Variants in AGO3 observed in about 807,000 individuals in gnomAD.
AGO3 encodes the protein argonaute RISC catalytic component 3.
In AGO3, 16 loss-of-function variants were observed where a neutral mutation model predicts 105.5. The ratio of observed to expected loss-of-function variants is 0.15; its 90% CI spans 0.10 to 0.23. AGO3 has a LOEUF of 0.23. Ranked by LOEUF, AGO3 falls within the 10% of genes least tolerant of loss-of-function variation. AGO3 has a pLI of 1.00. For synonymous variants in AGO3, 340 were observed against 367.3 expected (o/e 0.93, Z 0.85); for missense variants, 534 against 1,088.0 (o/e 0.49, Z 7.16).
At chr1:36,048,531 T>A (rs559955489) in intron 17 of AGO3, among the ~76,000 whole-genome samples, 1 of 152,158 alleles carries the variant, frequency 6.6e-6, no homozygotes, top group Admixed American at 6.6e-5. Context: ...ATTCAAACCT[T>A]GTTGCTCTAC....
intron 12 of AGO3, among the ~76,000 whole-genome samples, chr1:36,032,066 A>G (rs1169245143): frequency 6.6e-6 from 1 of 152,112 alleles, no homozygotes; most frequent in South Asian, 2.1e-4. Flanking sequence ...CTGGGTATAC[A>G]TCTAATAAGT....
At chr1:35,986,991 G>A (rs531486481) in intron 5 of AGO3, among the ~76,000 whole-genome samples, 20 of 145,760 alleles carry the variant, frequency 1.4e-4, no homozygotes, top group Admixed American at 6.3e-4. Flanking sequence ...GTAAGACTCC[G>A]TCTCAAAAAA....
At chr1:36,051,438 C>T (rs146615608) in intron 17 of AGO3, among the ~76,000 whole-genome samples, 1,701 of 152,122 alleles carry the variant, frequency 0.011, 41 homozygotes, top group African/African-American at 0.037. Context: ...AACATAGAAA[C>T]GGCTGGGCAC....
chr1:35,995,038 A>C lies in AGO3; in HGVS notation c.659-9303A>C, dbSNP rs554355855. Among the ~76,000 whole-genome samples, 51 of 151,614 alleles carry C rather than the reference A, an allele frequency of 3.4e-4. 3 individuals carry two copies. The East Asian group carries it at 9.7e-3, about 29-fold the overall frequency. The stretch of plus-strand genomic sequence containing the variant: ...ACACGGTGAAACCCTATCTCTACTA[A>C]AATACAAAAAAAATTAGCCGGGCAT... On this transcript the variant is annotated intron_variant, in intron 5 of 18. Transcript: ENST00000373191.
At position 36,043,209 on chromosome 1, in the gene AGO3, C is replaced by CT; in HGVS notation, c.2173-237dup. On this transcript the variant is annotated intron_variant, in intron 16 of 18. Transcript: ENST00000373191. ...CACCCATAGTGGGGTCAACTATCAG[C>CT]TAAGCAGTAGTAGAGACTGTATTAG... The CT allele has an allele frequency of 7.3e-6, 3 of 411,114 alleles. No individual in the cohort carries two copies. The Middle Eastern group carries it at 1.9e-3, about 266-fold the overall frequency. The allele number at this position is 411,114 out of a possible 1,614,324, so 25.5% of individuals were successfully genotyped here.
At chr1:36,022,963 A>G (rs1641318221) in intron 11 of AGO3, among the ~76,000 whole-genome samples, 1 of 151,532 alleles carries the variant, frequency 6.6e-6, no homozygotes, top group Admixed American at 6.6e-5. Context: ...AAAGAGAAAC[A>G]AAGGGCATAG....
At chr1:36,013,380 G>A (rs1451312890) in intron 9 of AGO3, 1 of 347,762 alleles carries the variant, frequency 2.9e-6, no homozygotes, top group African/African-American at 2.1e-5. Flanking sequence ...AGGCCAAAAT[G>A]TATTATTCAA....
At chr1:35,948,278 C>T (rs759090895) in intron 2 of AGO3, among the ~76,000 whole-genome samples, 3 of 147,970 alleles carry the variant, frequency 2.0e-5, no homozygotes, top group Non-Finnish European at 4.4e-5. Flanking sequence ...AGTGCAATGG[C>T]GCGATTTCCG....
intron 1 of AGO3, among the ~76,000 whole-genome samples, chr1:35,944,024 A>G (rs1646310721): frequency 2.0e-5 from 3 of 152,136 alleles, no homozygotes. Flanking sequence ...TTATTCATTC[A>G]TCTATCAGTG....
chr1:36,002,398 C>T (rs975810360), intron 5 of AGO3, among the ~76,000 whole-genome samples: 1 of 145,328 alleles, frequency 6.9e-6, no homozygotes, highest in Admixed American at 7.0e-5. Context: ...GGCGTGATCT[C>T]GGCTCACTGC....
chr1:36,055,506 A>G lies in AGO3; in HGVS notation c.2475-131A>G. 2 of 839,238 alleles carry G rather than the reference A, an allele frequency of 2.4e-6. No individual in the cohort carries two copies. Among genetic ancestry groups the G allele is most frequent in the South Asian group, 3.4e-5 (2 of 59,222 alleles). The allele number at this position is 839,238 out of a possible 1,614,324, so 52.0% of individuals were successfully genotyped here. A position where few individuals can be genotyped will look rare whatever the true frequency, so the allele number is the denominator to read the frequency against. ...AATAGTGATTGAAGCTGAGTGATGG[A>G]CACATAGATTGTTACACCAGTCTCT... On this transcript the variant is annotated intron_variant, in intron 18 of 18. Transcript: ENST00000373191. The surrounding 1 kb of genome is among the most constrained non-coding windows in gnomAD (Gnocchi z 4.4).
intron 17 of AGO3, among the ~76,000 whole-genome samples, chr1:36,045,383 A>G (rs1642421337): frequency 6.6e-6 from 1 of 151,382 alleles, no homozygotes; most frequent in Non-Finnish European, 1.5e-5. Flanking sequence ...CACCATGCCG[A>G]GCTAATTTTT....
At chr1:35,950,298 C>T (rs1165997831) in intron 2 of AGO3, among the ~76,000 whole-genome samples, 1 of 152,026 alleles carries the variant, frequency 6.6e-6, no homozygotes, top group Non-Finnish European at 1.5e-5. Context: ...TGTTTTAATA[C>T]TTAAATTATC....
intron 6 of AGO3, among the ~76,000 whole-genome samples, chr1:36,007,227 A>G (rs781429624): frequency 6.6e-6 from 1 of 152,212 alleles, no homozygotes; most frequent in African/African-American, 2.4e-5. Flanking sequence ...AGTAATAACC[A>G]TAAGTATTAT....
chr1:35,931,860 A>C lies in AGO3; in HGVS notation c.19+415A>C, dbSNP rs77507478. ...ATAGTTGTGAAGATAGGCTGAGATAACGGATAACTTCAGATTAAGTTCGAA... is the reference window on the plus strand; with the variant it reads ...ATAGTTGTGAAGATAGGCTGAGATACCGGATAACTTCAGATTAAGTTCGAA... On this transcript the variant is annotated intron_variant, in intron 1 of 18. Transcript: ENST00000373191. Among the ~76,000 whole-genome samples, 1,076 of 152,314 alleles carry C rather than the reference A, an allele frequency of 7.1e-3. 11 individuals carry two copies. Among genetic ancestry groups the C allele is most frequent in the African/African-American group, 0.024 (1,009 of 41,552 alleles).
In AGO3 at chr1:36,056,065, A is replaced by G. The variant is rs1383376663; in HGVS notation, c.*320A>G. ...CCTCAAGTTGCTTGGCAGCACAACT[A>G]TCTTTGCAAAAAAAAGTAAAGAAAA... On this transcript the variant is annotated 3_prime_UTR_variant, in exon 19 of 19. Transcript: ENST00000373191. 1 of 192,220 alleles carries G rather than the reference A, an allele frequency of 5.2e-6. No individual in the cohort carries two copies. The highest frequency in any genetic ancestry group is 2.3e-5 in the African/African-American group (1 of 43,008). The allele number at this position is 192,220 out of a possible 1,614,324, so 11.9% of individuals were successfully genotyped here.
intron 11 of AGO3, among the ~76,000 whole-genome samples, chr1:36,014,577 C>G (rs912858467): frequency 6.6e-6 from 1 of 151,110 alleles, no homozygotes; most frequent in African/African-American, 2.4e-5. Context: ...CGAGACCATC[C>G]TGGCTAACAT....
chr1:35,951,105 C>T (rs1646462958), intron 2 of AGO3, among the ~76,000 whole-genome samples: 1 of 152,140 alleles, frequency 6.6e-6, no homozygotes, highest in African/African-American at 2.4e-5. Flanking sequence ...TACAGGCACC[C>T]ATGCCCAGCT....
At chr1:36,023,720 T>G (rs1557694188) in intron 11 of AGO3, among the ~76,000 whole-genome samples, 2 of 152,222 alleles carry the variant, frequency 1.3e-5, no homozygotes, top group Non-Finnish European at 2.9e-5. Context: ...TAGGCCAAAC[T>G]TTAAAAATGT....
Sources: allele counts gnomAD v4.1 joint callset (sites outside exome capture counted in the v4.1 genomes callset), GRCh38; gene constraint gnomAD v4.1.1; non-coding constraint Gnocchi (gnomAD v3.1); transcripts MANE v1.5; gene names NCBI Gene and HGNC (gene_info 2026-07-23, HGNC 2026-07-21).